Variants in UNC79 observed in about 807,000 individuals in gnomAD.
UNC79 encodes the protein unc-79 subunit of NALCN channel complex.
Under a neutral mutation model 283.1 loss-of-function variants are expected in UNC79, and 37 were observed. The observed-to-expected ratio is 0.13, with a 90% CI of 0.10 to 0.17. The LOEUF is 0.17. UNC79 is among the 10% of genes least tolerant of loss of function. The pLI is 1.00. For missense variants in UNC79, 2,272 were observed against 3,211.1 expected (o/e 0.71, Z 7.07); for synonymous variants, 1,107 against 1,200.2 (o/e 0.92, Z 1.61).
rs2069630748 is a variant in UNC79, at chr14:93,646,601, T to A, written c.6045-7T>A. 6.2e-7 allele frequency: 1 copy of A among 1,613,632 alleles called. No homozygotes were observed. Among genetic ancestry groups the A allele is most frequent in the African/African-American group, 1.3e-5 (1 of 74,914 alleles). On this transcript the variant is annotated splice_region_variant and splice_polypyrimidine_tract_variant and intron_variant, in intron 34 of 48. Coordinates refer to ENST00000555664, the Ensembl canonical transcript of UNC79. ...ATTTGTGTGACTCTCTTTACTTTAT[T>A]TCCTAGATTGGCATCCAGTACTACC...
At chr14:93,477,347 T>C (rs1414343387) in intron 3 of UNC79, among the ~76,000 whole-genome samples, 1 of 152,244 alleles carries the variant, frequency 6.6e-6, no homozygotes, top group African/African-American at 2.4e-5. Flanking sequence ...TGGATATTTA[T>C]ATTTCTTAAC....
At chr14:93,500,238 A>G (rs1242352274) in intron 7 of UNC79, among the ~76,000 whole-genome samples, 1 of 152,216 alleles carries the variant, frequency 6.6e-6, no homozygotes, top group East Asian at 1.9e-4. Flanking sequence ...TATGCCCACT[A>G]CAACCAGAGC....
intron 22 of UNC79, among the ~76,000 whole-genome samples, chr14:93,592,003 A>G (rs1566727562): frequency 1.3e-5 from 2 of 152,102 alleles, no homozygotes; most frequent in Non-Finnish European, 2.9e-5. Context: ...CATTTGCTTA[A>G]CATTCCTCTC....
intron 22 of UNC79, among the ~76,000 whole-genome samples, chr14:93,593,084 TG>T (rs1459212269): frequency 6.6e-6 from 1 of 152,252 alleles, no homozygotes; most frequent in Non-Finnish European, 1.5e-5. Context: ...TAACAGTCCC[TG>T]AAATAAGAGT....
chr14:93,702,977 A>ACTGTTTTGC (rs2075638756), intron 47 of UNC79, among the ~76,000 whole-genome samples: 1 of 152,254 alleles, frequency 6.6e-6, no homozygotes, highest in African/African-American at 2.4e-5. Flanking sequence ...TGAATAGAGC[A>ACTGTTTTGC]TCCCCTCTTC....
intron 31 of UNC79, among the ~76,000 whole-genome samples, chr14:93,636,323 A>G (rs2068505085): frequency 6.6e-6 from 1 of 152,136 alleles, no homozygotes; most frequent in East Asian, 1.9e-4. Flanking sequence ...TCCATCCTCC[A>G]AATTGGTTCT....
intron 7 of UNC79, among the ~76,000 whole-genome samples, chr14:93,513,980 C>G (rs1026940696): frequency 4.6e-5 from 7 of 152,080 alleles, no homozygotes; most frequent in African/African-American, 1.7e-4. Context: ...TGAAGACATA[C>G]AGTAGAAAGA....
At chr14:93,523,160 T>TTC (rs2060402418) in intron 7 of UNC79, among the ~76,000 whole-genome samples, 5 of 152,142 alleles carry the variant, frequency 3.3e-5, no homozygotes, top group Admixed American at 2.6e-4. Context: ...GCCAAGTGCT[T>TTC]TGGGCTACAG....
intron 16 of UNC79, 135 bp downstream of exon 16, chr14:93,572,951 A>G (rs2063290043): frequency 9.5e-7 from 1 of 1,047,566 alleles, no homozygotes; most frequent in South Asian, 2.2e-5. Flanking sequence ...TGTATCTCCT[A>G]TGCATAGATA....
chr14:93,404,493 A>AAAAAAAAAATATATATATATATAT, intron 1 of UNC79, among the ~76,000 whole-genome samples: 22 of 61,472 alleles, frequency 3.6e-4, no homozygotes, highest in African/African-American at 1.0e-3. Context: ...TTCTAAAAAA[A>AAAAAAAAAATATATATATATATAT]ATATATATAT....
At chr14:93,402,314 A>G (rs1308527146) in intron 1 of UNC79, among the ~76,000 whole-genome samples, 2 of 150,994 alleles carry the variant, frequency 1.3e-5, no homozygotes, top group African/African-American at 4.8e-5. Flanking sequence ...AGAAAAAAAA[A>G]ACCAGCTTAA....
intron 24 of UNC79, among the ~76,000 whole-genome samples, chr14:93,599,804 C>G (rs1012806534): frequency 6.6e-6 from 1 of 152,128 alleles, no homozygotes; most frequent in Admixed American, 6.6e-5. Context: ...TTGCTTTTTT[C>G]GGAATCATGA....
Position 93,706,620 on chromosome 14 carries a change from G to T in UNC79, c.7591-84G>T. The T allele has an allele frequency of 2.0e-6, 3 of 1,507,534 alleles. No homozygotes were observed. In the South Asian group the frequency reaches 3.5e-5, roughly 18 times the overall value. 93.4% of individuals were successfully genotyped at this position (1,507,534 alleles called of 1,614,324 possible). The stretch of plus-strand genomic sequence containing the variant: ...AACCCTTGAGCCAAGCCTAAATTCT[G>T]CCTGCAAGAAGCCGCCCGGGTCGAC... On this transcript the variant is annotated intron_variant, in intron 48 of 48. Coordinates refer to ENST00000555664, the Ensembl canonical transcript of UNC79.
rs2064631468 is a variant in UNC79 at position 93,590,992 on chromosome 14, T to A, written c.3033-2688T>A. On this transcript the variant is annotated intron_variant, in intron 22 of 48. Coordinates refer to ENST00000555664, the Ensembl canonical transcript of UNC79. ...TGCATACCTACTAAGTGCCATGCTC[T>A]CTGCACATCTTGTTTAAAGCCCACA... is the stretch of plus-strand genomic sequence containing the variant. Among the ~76,000 whole-genome samples the A allele has an allele frequency of 2.0e-5, 3 of 152,232 alleles. 1 individual carries two copies. The South Asian group carries it at 6.2e-4, about 32-fold the overall frequency.
At chr14:93,608,469 G>A (rs1002587983) in intron 26 of UNC79, among the ~76,000 whole-genome samples, 1 of 152,194 alleles carries the variant, frequency 6.6e-6, no homozygotes, top group African/African-American at 2.4e-5. Context: ...AAGGAGAAAA[G>A]GCAGGGATGG....
chr14:93,610,285 A>T (rs919565918), intron 26 of UNC79, among the ~76,000 whole-genome samples: 2 of 152,146 alleles, frequency 1.3e-5, no homozygotes, highest in African/African-American at 4.8e-5. Flanking sequence ...CTATAAAACA[A>T]AGGAGCAACT....
exon 48 of UNC79, chr14:93,704,660 T>C (rs753851943): frequency 1.9e-6 from 3 of 1,614,222 alleles, no homozygotes; most frequent in South Asian, 2.2e-5. Flanking sequence ...TTCAGTCAAA[T>C]ATCAAGGTAA....
At chr14:93,628,257 A>G (rs927650236) in intron 30 of UNC79, among the ~76,000 whole-genome samples, 16 of 152,062 alleles carry the variant, frequency 1.1e-4, no homozygotes, top group African/African-American at 3.1e-4. Context: ...TTCTCACCAC[A>G]ATGCTACCTA....
intron 14 of UNC79, 76 bp from the exon 15 acceptor site, chr14:93,571,818 C>G (rs2063222014): frequency 6.6e-7 from 1 of 1,509,858 alleles, no homozygotes; most frequent in African/African-American, 1.4e-5. Flanking sequence ...GTACCCATTG[C>G]CTTAGGAAGT....
Sources: allele counts gnomAD v4.1 joint callset (sites outside exome capture counted in the v4.1 genomes callset), GRCh38; gene constraint gnomAD v4.1.1; transcripts MANE v1.5; gene names NCBI Gene and HGNC (gene_info 2026-07-23, HGNC 2026-07-21).